The following LNP1 variants were observed in gnomAD, a reference collection of about 807,000 sequenced individuals.
LNP1 encodes the protein leukemia NUP98 fusion partner 1.
LNP1 carries 12 observed loss-of-function variants against 14.5 expected under a neutral mutation model. The ratio of observed to expected loss-of-function variants is 0.83; its 90% CI spans 0.53 to 1.34. The LOEUF is 1.34. Among genes scored for constraint, LNP1 ranks in the 40% most tolerant of loss-of-function variants. LNP1 has a pLI of 0.00. For missense variants in LNP1, 198 were observed against 210.9 expected (o/e 0.94, Z 0.38); for synonymous variants, 75 against 71.4 (o/e 1.05, Z -0.26).
At chr3:100,453,271 T>C (rs529633838) in intron 3 of LNP1, among the ~76,000 whole-genome samples, 1 of 152,196 alleles carries the variant, frequency 6.6e-6, no homozygotes, top group Admixed American at 6.5e-5. Context: ...GAAGGGAGAA[T>C]AGTGAACAGC....
In LNP1 at chr3:100,451,820, A is replaced by T. The variant is rs761389221; in HGVS notation, c.258A>T (p.Arg86Ser). 9 of 1,613,850 alleles carry T rather than the reference A, an allele frequency of 5.6e-6. No individual in the cohort carries two copies. The East Asian group carries it at 1.3e-4, about 24-fold the overall frequency. The change falls in exon 3 of 4, where the codon AGA becomes AGT. Residue 86 changes from arginine to serine, a missense_variant. Arg to Ser is a moderately radical substitution (Grantham distance 110, BLOSUM62 -1). Transcript: ENST00000383693. ...FRCRSHVRDY[R>S]KYSEDGSFKE... The stretch of plus-strand genomic sequence containing the variant: ...GCCGTAGCCACGTACGGGATTACAG[A>T]AAATACTCAGAGGATGGGTCATTCA...
At chr3:100,418,821 A>AG (rs1707116119) in intron 1 of LNP1, among the ~76,000 whole-genome samples, 1 of 152,182 alleles carries the variant, frequency 6.6e-6, no homozygotes, top group Non-Finnish European at 1.5e-5. Context: ...GTGGCTGGAC[A>AG]GTTCAGCCCT....
chr3:100,426,379 A>G (rs1319985464), intron 1 of LNP1, among the ~76,000 whole-genome samples: 2 of 152,224 alleles, frequency 1.3e-5, no homozygotes, highest in African/African-American at 4.8e-5. Context: ...GGATCTATGA[A>G]TTCAGGATTC....
intron 1 of LNP1, among the ~76,000 whole-genome samples, chr3:100,420,918 C>G (rs761757464): frequency 6.6e-6 from 1 of 151,700 alleles, no homozygotes; most frequent in Admixed American, 6.6e-5. Flanking sequence ...TTCTAAAAGT[C>G]TTACAGTTTA....
intron 1 of LNP1, among the ~76,000 whole-genome samples, chr3:100,417,936 C>T (rs943725666): frequency 6.6e-6 from 1 of 151,752 alleles, no homozygotes; most frequent in African/African-American, 2.4e-5. Context: ...ATTTTTTACT[C>T]ATTCCTTCTA....
At position 100,439,611 on chromosome 3, in the gene LNP1, CT is replaced by C. The variant is rs527361819; in HGVS notation, c.156+9727del. Among the ~76,000 whole-genome samples the C allele has an allele frequency of 1.2e-4, 18 of 152,298 alleles. No individual in the cohort carries two copies. In the South Asian group the frequency reaches 3.5e-3, roughly 30 times the overall value. On this transcript the variant is annotated intron_variant, in intron 2 of 3. Transcript: ENST00000383693. ...CTCTGGATACTTCTCCTCTACCCCC[CT>C]AACACCCACCCCAATATATATAGTT...
chr3:100,411,109 A>G (rs75372672), intron 1 of LNP1, among the ~76,000 whole-genome samples: 1 of 152,048 alleles, frequency 6.6e-6, no homozygotes, highest in Non-Finnish European at 1.5e-5. Flanking sequence ...TGAACCCAAG[A>G]GGGTTATTCT....
chr3:100,432,362 G>A (rs1707251212), intron 2 of LNP1, among the ~76,000 whole-genome samples: 1 of 151,912 alleles, frequency 6.6e-6, no homozygotes, highest in South Asian at 2.1e-4. Context: ...AAACCACAGT[G>A]ATCAACATTA....
At chr3:100,428,035 A>G (rs1707210746) in intron 1 of LNP1, among the ~76,000 whole-genome samples, 1 of 152,232 alleles carries the variant, frequency 6.6e-6, no homozygotes, top group South Asian at 2.1e-4. Context: ...CTGATTGAAA[A>G]TGCGAGACTT....
intron 2 of LNP1, among the ~76,000 whole-genome samples, chr3:100,450,301 G>A (rs1389571804): frequency 6.6e-6 from 1 of 150,728 alleles, no homozygotes; most frequent in East Asian, 1.9e-4. Flanking sequence ...TGCTCTAATG[G>A]CAAGGAGAAA....
intron 1 of LNP1, among the ~76,000 whole-genome samples, chr3:100,407,287 C>T (rs541568580): frequency 5.9e-5 from 9 of 152,306 alleles, no homozygotes; most frequent in African/African-American, 1.7e-4. Flanking sequence ...TGGTGATGAA[C>T]TCCCTCAGAT....
intron 2 of LNP1, among the ~76,000 whole-genome samples, chr3:100,434,085 C>G (rs1707268562): frequency 6.6e-6 from 1 of 152,104 alleles, no homozygotes; most frequent in Non-Finnish European, 1.5e-5. Flanking sequence ...TCCTATTTGT[C>G]AATTTTGGCT....
chr3:100,441,067 T>C (rs1158062595), intron 2 of LNP1, among the ~76,000 whole-genome samples: 1 of 151,874 alleles, frequency 6.6e-6, no homozygotes, highest in Admixed American at 6.6e-5. Flanking sequence ...AAAGGAAAGA[T>C]AGAAAAGGAA....
intron 3 of LNP1, among the ~76,000 whole-genome samples, chr3:100,453,191 G>A (rs967219909): frequency 1.3e-5 from 2 of 152,098 alleles, no homozygotes; most frequent in Non-Finnish European, 2.9e-5. Flanking sequence ...CTTTTGCTCA[G>A]AGTGACCCTG....
At chr3:100,448,278 T>C (rs1293171822) in intron 2 of LNP1, among the ~76,000 whole-genome samples, 1 of 152,208 alleles carries the variant, frequency 6.6e-6, no homozygotes, top group East Asian at 1.9e-4. Flanking sequence ...ACTTAGTTTA[T>C]AATTTACTTT....
At chr3:100,408,959 G>A (rs1706998298) in intron 1 of LNP1, among the ~76,000 whole-genome samples, 1 of 152,126 alleles carries the variant, frequency 6.6e-6, no homozygotes, top group African/African-American at 2.4e-5. Flanking sequence ...TACATAGATA[G>A]TTGTTCAAAT....
intron 1 of LNP1, among the ~76,000 whole-genome samples, chr3:100,412,104 C>T (rs1052431947): frequency 1.2e-4 from 18 of 152,066 alleles, no homozygotes; most frequent in Non-Finnish European, 7.3e-5. Flanking sequence ...AGAAGTATGG[C>T]GCTGGCATCT....
intron 2 of LNP1, among the ~76,000 whole-genome samples, chr3:100,439,427 GTCCAC>G (rs1160311354): frequency 6.6e-6 from 1 of 151,878 alleles, no homozygotes; most frequent in African/African-American, 2.4e-5. Flanking sequence ...GTTCCTCTTG[GTCCAC>G]TGTGCTCCCC....
intron 1 of LNP1, among the ~76,000 whole-genome samples, chr3:100,425,905 C>G (rs1707187893): frequency 6.6e-6 from 1 of 152,222 alleles, no homozygotes; most frequent in Non-Finnish European, 1.5e-5. Context: ...ATCAATCAAA[C>G]TGCCTAACTA....
Sources: gnomAD v4.1 joint callset for allele counts (sites outside exome capture counted in the v4.1 genomes callset) on GRCh38, gnomAD v4.1.1 for gene constraint, MANE v1.5 for transcripts, NCBI Gene and HGNC (gene_info 2026-07-23, HGNC 2026-07-21) for gene names.